The following STXBP5L variants were observed in gnomAD, a reference collection of about 807,000 sequenced individuals.
The protein encoded by STXBP5L is syntaxin binding protein 5L.
STXBP5L carries 65 observed loss-of-function variants against 144.5 expected under a neutral mutation model. That is an observed-to-expected ratio of 0.45 (90% CI 0.37 to 0.55). STXBP5L has a LOEUF of 0.55. Among genes scored for constraint, STXBP5L ranks in the 20% least tolerant of loss-of-function variants. STXBP5L has a pLI of 0.00. For missense variants in STXBP5L, 1,298 were observed against 1,405.5 expected (o/e 0.92, Z 1.22); for synonymous variants, 505 against 469.6 (o/e 1.08, Z -0.97).
chr3:121,234,277 C>G (rs1187850772), intron 12 of STXBP5L, among the ~76,000 whole-genome samples: 1 of 152,120 alleles, frequency 6.6e-6, no homozygotes, highest in Non-Finnish European at 1.5e-5. Flanking sequence ...TCTTCGCCCA[C>G]TGATCTTTTA....
At chr3:121,387,644 C>T (rs892577686) in intron 22 of STXBP5L, among the ~76,000 whole-genome samples, 4 of 152,180 alleles carry the variant, frequency 2.6e-5, no homozygotes, top group Admixed American at 6.5e-5. Flanking sequence ...TTTCCCAGAA[C>T]CATTTATTAA....
chr3:121,037,588 A>G (rs1946851474), intron 3 of STXBP5L, among the ~76,000 whole-genome samples: 2 of 151,996 alleles, frequency 1.3e-5, no homozygotes, highest in Non-Finnish European at 2.9e-5. Flanking sequence ...TTTTGAATCT[A>G]TATTCATGAG....
chr3:121,130,589 G>T (rs1311986922), intron 7 of STXBP5L, among the ~76,000 whole-genome samples: 1 of 152,072 alleles, frequency 6.6e-6, no homozygotes, highest in African/African-American at 2.4e-5. Context: ...CAAGTCAGAG[G>T]ATTGGTTGCC....
Position 121,223,148 on chromosome 3 carries a change from T to G in STXBP5L, c.1102T>G (p.Tyr368Asp). The G allele has an allele frequency of 6.3e-7, 1 of 1,594,180 alleles. No individual in the cohort carries two copies. Among genetic ancestry groups the G allele is most frequent in the Non-Finnish European group, 8.5e-7 (1 of 1,174,476 alleles). Reference sequence around the variant, plus strand: ...ATTTCTAACTTTATGTGAAACGCCCTATCCAAATGGTAAGTAACTAAAATG... The same window carrying G: ...ATTTCTAACTTTATGTGAAACGCCCGATCCAAATGGTAAGTAACTAAAATG... Reference protein sequence around the residue: ...VEFLTLCETPYPNEFQEPYAV... With the variant: ...VEFLTLCETPDPNEFQEPYAV... The change falls in exon 11 of 27, where the codon TAT (tyrosine) becomes GAT (aspartate). Residue 368 changes from tyrosine to aspartate, a missense_variant. Coordinates refer to ENST00000471454, the MANE Select transcript of STXBP5L (RefSeq NM_001308330.2).
intron 3 of STXBP5L, among the ~76,000 whole-genome samples, chr3:121,030,951 A>G (rs753702826): frequency 2.0e-5 from 3 of 152,144 alleles, no homozygotes; most frequent in Non-Finnish European, 4.4e-5. Context: ...GTTCAAGACA[A>G]GCTTCCAAGA....
chr3:121,096,244 A>G (rs1161016889), intron 5 of STXBP5L, among the ~76,000 whole-genome samples: 1 of 151,738 alleles, frequency 6.6e-6, no homozygotes, highest in Non-Finnish European at 1.5e-5. Context: ...TCTTGGAACC[A>G]CCTCCTCCTC....
intron 15 of STXBP5L, 52 bp downstream of exon 15, chr3:121,250,815 T>G: frequency 6.7e-7 from 1 of 1,491,290 alleles, no homozygotes; most frequent in Admixed American, 2.0e-5. Flanking sequence ...TATTTACTTA[T>G]AGCCAGCTAC....
chr3:121,072,485 A>T (rs1373526811), intron 5 of STXBP5L, among the ~76,000 whole-genome samples: 1 of 152,148 alleles, frequency 6.6e-6, no homozygotes, highest in African/African-American at 2.4e-5. Flanking sequence ...CCTTGATGAA[A>T]CTGCTTTATG....
At chr3:120,940,057 T>C (rs1436048652) in intron 2 of STXBP5L, among the ~76,000 whole-genome samples, 1 of 152,168 alleles carries the variant, frequency 6.6e-6, no homozygotes, top group Non-Finnish European at 1.5e-5. Context: ...AAGTGGTTTT[T>C]ATTTTACCCA....
chr3:121,204,415 A>G (rs1289697959), intron 9 of STXBP5L, among the ~76,000 whole-genome samples: 1 of 152,120 alleles, frequency 6.6e-6, no homozygotes, highest in South Asian at 2.1e-4. Context: ...TTTAGTCAAC[A>G]TAGGGTAAAA....
At chr3:121,312,667 C>G (rs1013806734) in intron 19 of STXBP5L, among the ~76,000 whole-genome samples, 12 of 150,146 alleles carry the variant, frequency 8.0e-5, no homozygotes, top group African/African-American at 2.9e-4. Flanking sequence ...TGACTCTTAA[C>G]GAGCATGCTG....
At chr3:121,020,832 C>A (rs199679853) in intron 3 of STXBP5L, among the ~76,000 whole-genome samples, 1 of 142,056 alleles carries the variant, frequency 7.0e-6, no homozygotes, top group African/African-American at 2.7e-5. Context: ...ACTCACAGTA[C>A]CTATAAAACA....
intron 18 of STXBP5L, among the ~76,000 whole-genome samples, chr3:121,279,219 T>C (rs375079308): frequency 2.4e-4 from 37 of 151,860 alleles, no homozygotes; most frequent in African/African-American, 8.9e-4. Context: ...TTTAGTTAAG[T>C]AATTAATCAA....
chr3:121,086,237 A>G (rs939996460), intron 5 of STXBP5L, among the ~76,000 whole-genome samples: 11 of 152,108 alleles, frequency 7.2e-5, no homozygotes, highest in Admixed American at 1.3e-4. Flanking sequence ...TCTTTTAGCT[A>G]TATCTGACAA....
intron 5 of STXBP5L, among the ~76,000 whole-genome samples, chr3:121,111,631 C>T (rs1017281980): frequency 1.3e-5 from 2 of 152,152 alleles, no homozygotes; most frequent in African/African-American, 2.4e-5. Flanking sequence ...GGGCACCAAC[C>T]TTATTCCAGC....
intron 7 of STXBP5L, among the ~76,000 whole-genome samples, chr3:121,139,862 A>G (rs1400968453): frequency 1.3e-5 from 2 of 152,028 alleles, no homozygotes; most frequent in Non-Finnish European, 2.9e-5. Context: ...AGTGACAATA[A>G]AAGACTTGGG....
At chr3:121,274,605 CCA>C (rs1466392127) in intron 18 of STXBP5L, among the ~76,000 whole-genome samples, 1 of 152,176 alleles carries the variant, frequency 6.6e-6, no homozygotes, top group Non-Finnish European at 1.5e-5. Context: ...GTGCAGGTGC[CCA>C]GAGCAGCCAT....
At chr3:121,241,643 A>G (rs2049675947) in intron 14 of STXBP5L, among the ~76,000 whole-genome samples, 2 of 152,184 alleles carry the variant, frequency 1.3e-5, no homozygotes, top group Admixed American at 1.3e-4. Context: ...GCCTAGCAGT[A>G]ATGAGTAGCT....
intron 3 of STXBP5L, among the ~76,000 whole-genome samples, chr3:121,005,878 A>T (rs1944249522): frequency 6.6e-6 from 1 of 152,178 alleles, no homozygotes; most frequent in Non-Finnish European, 1.5e-5. Flanking sequence ...GAGTTTCTTA[A>T]TCCTGACTTC....
Sources: allele counts gnomAD v4.1 joint callset (sites outside exome capture counted in the v4.1 genomes callset), GRCh38; gene constraint gnomAD v4.1.1; transcripts MANE v1.5; gene names NCBI Gene and HGNC (gene_info 2026-07-23, HGNC 2026-07-21).